LGSN: variants seen among roughly 807,000 people sequenced by gnomAD.
LGSN encodes the protein lengsin.
A neutral mutation model predicts 19.5 loss-of-function variants in LGSN; 21 were observed. The ratio of observed to expected loss-of-function variants is 1.07; its 90% CI spans 0.76 to 1.55. The LOEUF (loss-of-function observed/expected upper bound fraction) is 1.55. Among genes scored for constraint, LGSN ranks in the 40% most tolerant of loss-of-function variants. LGSN has a pLI of 0.00. For missense variants in LGSN, 673 were observed against 608.5 expected, an observed-to-expected ratio of 1.11 and a Z score of -1.12; for synonymous variants, 257 against 215.6, an observed-to-expected ratio of 1.19 and a Z score of -1.68.
chr6:63,461,174 C>T, the LGSN span, among the ~76,000 whole-genome samples: 1 of 152,130 alleles, frequency 6.6e-6, no homozygotes, highest in Non-Finnish European at 1.5e-5. Context: ...CTCAAGCCTC[C>T]CGAGTAGCTG....
At chr6:63,321,145 C>T (rs914782747), upstream of LGSN, among the ~76,000 whole-genome samples, 2 of 152,090 alleles carry the variant, frequency 1.3e-5, no homozygotes, top group African/African-American at 4.8e-5. Flanking sequence ...TGGTGCTTTC[C>T]CCCAGATCTC....
the LGSN span, among the ~76,000 whole-genome samples, chr6:63,412,355 A>G: frequency 6.7e-6 from 1 of 150,224 alleles, no homozygotes. Flanking sequence ...CAACAGAGCA[A>G]GACTCCATCA....
the LGSN span, among the ~76,000 whole-genome samples, chr6:63,493,623 G>A: frequency 6.6e-6 from 1 of 151,286 alleles, no homozygotes; most frequent in African/African-American, 2.5e-5. Context: ...AACCTGCATG[G>A]AGAGGAGATA....
chr6:63,394,034 G>A, the LGSN span, among the ~76,000 whole-genome samples: 10,554 of 152,226 alleles, frequency 0.069, 605 homozygotes, highest in African/African-American at 0.16. Flanking sequence ...TTGGGAGGCC[G>A]AGGTGGGCGG....
At chr6:63,315,582 T>C (rs1768808270) in intron 1 of LGSN, among the ~76,000 whole-genome samples, 1 of 151,704 alleles carries the variant, frequency 6.6e-6, no homozygotes, top group African/African-American at 2.4e-5. Flanking sequence ...CTCTTGCTTT[T>C]CTGAAGAATA....
At chr6:63,340,899 C>A in the LGSN span, among the ~76,000 whole-genome samples, 1 of 151,640 alleles carries the variant, frequency 6.6e-6, no homozygotes, top group African/African-American at 2.4e-5. Flanking sequence ...CCTGATATAA[C>A]AGTCACTTAT....
At chr6:63,473,753 T>C in the LGSN span, among the ~76,000 whole-genome samples, 6 of 148,244 alleles carry the variant, frequency 4.0e-5, no homozygotes, top group African/African-American at 1.3e-4. Context: ...TCCGCATCTG[T>C]ATATTCCACA....
the LGSN span, among the ~76,000 whole-genome samples, chr6:63,570,493 GAGC>G: frequency 6.6e-6 from 1 of 152,220 alleles, no homozygotes; most frequent in African/African-American, 2.4e-5. Flanking sequence ...AGAACTTGAT[GAGC>G]ATAGCTGACT....
the LGSN span, among the ~76,000 whole-genome samples, chr6:63,343,503 G>T: frequency 6.6e-6 from 1 of 152,152 alleles, no homozygotes; most frequent in African/African-American, 2.4e-5. Flanking sequence ...CACTCTCCAT[G>T]TGATCTATAG....
chr6:63,446,033 G>A, the LGSN span, among the ~76,000 whole-genome samples: 3 of 152,056 alleles, frequency 2.0e-5, no homozygotes, highest in South Asian at 4.1e-4. Flanking sequence ...CAGGTCACTC[G>A]AGGTCAGGAG....
chr6:63,415,172 A>G, the LGSN span, among the ~76,000 whole-genome samples: 1 of 151,504 alleles, frequency 6.6e-6, no homozygotes, highest in South Asian at 2.1e-4. Context: ...TAATAAAAAT[A>G]CAACCAGGCA....
At chr6:63,325,050 G>C in the LGSN span, among the ~76,000 whole-genome samples, 1 of 146,276 alleles carries the variant, frequency 6.8e-6, no homozygotes, top group Non-Finnish European at 1.5e-5. Context: ...GTTGCAGTGA[G>C]CTGAGATCAC....
chr6:63,490,634 T>G, the LGSN span, among the ~76,000 whole-genome samples: 1 of 152,144 alleles, frequency 6.6e-6, no homozygotes, highest in Admixed American at 6.5e-5. Flanking sequence ...TGGAGTGTAG[T>G]GGTGCAACTT....
the LGSN span, chr6:63,441,788 C>G: frequency 3.0e-6 from 1 of 338,418 alleles, no homozygotes; most frequent in African/African-American, 2.2e-5. Context: ...GAAGCACACT[C>G]GTTTCTGGGC....
At chr6:63,478,513 T>C in the LGSN span, among the ~76,000 whole-genome samples, 1 of 152,054 alleles carries the variant, frequency 6.6e-6, no homozygotes, top group Non-Finnish European at 1.5e-5. Context: ...ATTTCCATCA[T>C]CCACCCTAAA....
the LGSN span, among the ~76,000 whole-genome samples, chr6:63,459,208 T>TA: frequency 3.9e-5 from 6 of 152,158 alleles, no homozygotes; most frequent in African/African-American, 1.4e-4. Flanking sequence ...GGTTTGAAGG[T>TA]AAAATGTCAA....
the LGSN span, among the ~76,000 whole-genome samples, chr6:63,501,543 C>A: frequency 6.6e-6 from 1 of 151,766 alleles, no homozygotes; most frequent in Non-Finnish European, 1.5e-5. Flanking sequence ...GATGAACTTA[C>A]GGAGTCATTA....
chr6:63,473,330 C>T, the LGSN span, among the ~76,000 whole-genome samples: 2 of 151,670 alleles, frequency 1.3e-5, no homozygotes, highest in African/African-American at 4.8e-5. Context: ...AAAAATTAGC[C>T]GGGCATGGTG....
the LGSN span, among the ~76,000 whole-genome samples, chr6:63,518,976 T>A: frequency 6.6e-6 from 1 of 152,192 alleles, no homozygotes; most frequent in African/African-American, 2.4e-5. Context: ...ACCATATTAA[T>A]ATCACTGTAG....
Sources: gnomAD v4.1 joint callset for allele counts (sites outside exome capture counted in the v4.1 genomes callset) on GRCh38, gnomAD v4.1.1 for gene constraint, MANE v1.5 for transcripts, NCBI Gene and HGNC (gene_info 2026-07-23, HGNC 2026-07-21) for gene names.